The following PILRA variants were observed in gnomAD, a reference collection of about 807,000 sequenced individuals.
The protein encoded by PILRA is paired immunoglobulin-like type 2 receptor alpha.
Under a neutral mutation model 33.1 loss-of-function variants are expected in PILRA, and 37 were observed. The ratio of observed to expected loss-of-function variants is 1.12; its 90% CI spans 0.86 to 1.47. PILRA has a LOEUF of 1.47. Among genes scored for constraint, PILRA ranks in the 40% most tolerant of loss-of-function variants. The pLI, the probability that PILRA is intolerant of heterozygous loss-of-function variation, is 0.00. For missense variants in PILRA, 312 were observed against 376.2 expected (o/e 0.83, Z 1.41); for synonymous variants, 146 against 149.9 (o/e 0.97, Z 0.19).
intron 2 of PILRA, among the ~76,000 whole-genome samples, chr7:100,389,664 AAAGGAAAGGAAAAG>A (rs569102439): frequency 1.7e-3 from 251 of 152,042 alleles, no homozygotes; most frequent in Non-Finnish European, 2.1e-4. Context: ...AAAGGAAAGG[AAAGGAAAGGAAAAG>A]AAGGAAAGGA....
At chr7:100,376,819 G>C (rs1488757280) in intron 2 of PILRA, among the ~76,000 whole-genome samples, 2 of 144,088 alleles carry the variant, frequency 1.4e-5, no homozygotes, top group African/African-American at 5.2e-5. Context: ...ACCCAGGCTG[G>C]AGTGTGATCA....
At chr7:100,396,836 C>T (rs1012354929) in intron 3 of PILRA, among the ~76,000 whole-genome samples, 1 of 151,770 alleles carries the variant, frequency 6.6e-6, no homozygotes, top group African/African-American at 2.4e-5. Flanking sequence ...TCAGAAACCG[C>T]AGGGAGGAGG....
At chr7:100,391,184 A>AATAATAAT (rs1791383795) in intron 3 of PILRA, among the ~76,000 whole-genome samples, 1 of 122,050 alleles carries the variant, frequency 8.2e-6, no homozygotes, top group Non-Finnish European at 1.8e-5. Context: ...TAATAATAAT[A>AATAATAAT]ATTATTATTA....
intron 2 of PILRA, among the ~76,000 whole-genome samples, chr7:100,389,522 C>T (rs555483939): frequency 4.0e-5 from 6 of 150,652 alleles, no homozygotes; most frequent in African/African-American, 1.5e-4. Flanking sequence ...GGTATAGAAT[C>T]GGATTTAAAC....
intron 3 of PILRA, among the ~76,000 whole-genome samples, chr7:100,397,649 G>A (rs1791528072): frequency 6.6e-6 from 1 of 152,114 alleles, no homozygotes; most frequent in South Asian, 2.1e-4. Context: ...CCAAGGGAGG[G>A]GGTCAGGGTG....
chr7:100,374,504 C>A (rs561734782), intron 2 of PILRA, 71 bp downstream of exon 2: 292 of 1,575,420 alleles, frequency 1.9e-4, no homozygotes, highest in Non-Finnish European at 2.4e-4. Context: ...GTGACATCGT[C>A]CCCAGCACCT....
intron 4 of PILRA, among the ~76,000 whole-genome samples, chr7:100,398,491 T>C (rs772804565): frequency 4.9e-4 from 74 of 152,228 alleles, no homozygotes; most frequent in South Asian, 3.5e-3. Context: ...CTCCTTTCCA[T>C]AGCCGTAGGT....
chr7:100,375,966 G>C (rs531888375), intron 2 of PILRA, among the ~76,000 whole-genome samples: 1 of 152,340 alleles, frequency 6.6e-6, no homozygotes, highest in East Asian at 1.9e-4. Flanking sequence ...TCAGTGGGGT[G>C]AGGGGAGTTT....
At chr7:100,399,204 G>C in intron 4 of PILRA, 87 bp from the exon 5 acceptor site, 6 of 891,168 alleles carry the variant, frequency 6.7e-6, no homozygotes, top group Non-Finnish European at 1.1e-5. Flanking sequence ...GTCTCCCAAA[G>C]TGCTGGGATT....
At chr7:100,394,356 CAA>C (rs1791448735) in intron 3 of PILRA, among the ~76,000 whole-genome samples, 1 of 152,034 alleles carries the variant, frequency 6.6e-6, no homozygotes, top group Non-Finnish European at 1.5e-5. Flanking sequence ...CAAAGCCAAA[CAA>C]AGACACTACA....
Position 100,374,194 on chromosome 7 carries a change from G to A in PILRA, c.215G>A (p.Arg72Lys), listed in dbSNP as rs1790890405. The change falls in exon 2 of 7, where the codon AGA becomes AAA. Residue 72 changes from arginine (R) to lysine (K), a missense_variant. Physicochemically the swap from Arg to Lys is conservative, Grantham distance 26. Coordinates refer to ENST00000198536, the MANE Select transcript of PILRA (RefSeq NM_013439.3). Reference protein sequence around the residue: ...ATAPDVRISWRRGHFHRQSFY... With the variant: ...ATAPDVRISWKRGHFHRQSFY... The stretch of plus-strand genomic sequence containing the variant: ...GCTCCCGACGTGAGAATATCCTGGA[G>A]ACGGGGCCACTTCCACAGGCAGTCC... The A allele has an allele frequency of 1.2e-6, 2 of 1,614,104 alleles. No homozygotes were observed. Among genetic ancestry groups the A allele is most frequent in the Non-Finnish European group, 1.7e-6 (2 of 1,180,020 alleles).
At chr7:100,376,177 C>T (rs1790943405) in intron 2 of PILRA, 1 of 152,214 alleles carries the variant, frequency 6.6e-6, no homozygotes, top group Admixed American at 6.5e-5. Flanking sequence ...ACTGCACCAT[C>T]TTAACCACTG....
intron 2 of PILRA, among the ~76,000 whole-genome samples, chr7:100,379,164 G>A (rs903999476): frequency 6.6e-6 from 1 of 151,826 alleles, no homozygotes; most frequent in Non-Finnish European, 1.5e-5. Context: ...AGCACTTTTG[G>A]AGGCTCAGGT....
intron 2 of PILRA, among the ~76,000 whole-genome samples, chr7:100,385,325 G>T (rs1243359830): frequency 1.3e-5 from 2 of 152,114 alleles, no homozygotes; most frequent in Admixed American, 6.6e-5. Context: ...TGATGCGATT[G>T]TATCTTGTAC....
At chr7:100,386,927 T>A (rs994867581) in intron 2 of PILRA, among the ~76,000 whole-genome samples, 4 of 152,176 alleles carry the variant, frequency 2.6e-5, no homozygotes, top group African/African-American at 7.2e-5. Context: ...TAGTTTTCCA[T>A]CTTTATGTTC....
chr7:100,399,149 G>C (rs1297412044), intron 4 of PILRA, 142 bp from the exon 5 acceptor site: 1 of 600,122 alleles, frequency 1.7e-6, no homozygotes, highest in African/African-American at 1.9e-5. Context: ...ATGTTGTCCA[G>C]GCTGGTCTTG....
In PILRA at chr7:100,390,914, A is replaced by G. The variant is rs377060248; in HGVS notation, c.673+808A>G. 1.1e-4 allele frequency among the ~76,000 whole-genome samples: 16 copies of G among 152,154 alleles called. No homozygotes were observed. The East Asian group carries it at 2.1e-3, about 20-fold the overall frequency. ...GACCTCAGCTACCGTGAGAGACCTC[A>G]GTCTATGGAGGAGTGGCCAGAGGTG... is the stretch of plus-strand genomic sequence containing the variant. On this transcript the variant is annotated intron_variant, in intron 3 of 6. Transcript: ENST00000198536.
chr7:100,380,364 C>CTT (rs1791061951), intron 2 of PILRA, among the ~76,000 whole-genome samples: 1 of 152,186 alleles, frequency 6.6e-6, no homozygotes. Context: ...GAGAATAAAA[C>CTT]TTTAAAATAC....
intron 2 of PILRA, among the ~76,000 whole-genome samples, chr7:100,381,430 G>A (rs1791089403): frequency 8.1e-6 from 1 of 123,552 alleles, no homozygotes; most frequent in Admixed American, 1.0e-4. Flanking sequence ...GGGTGACAGA[G>A]TGAGATCCTG....
Sources: allele counts gnomAD v4.1 joint callset (sites outside exome capture counted in the v4.1 genomes callset), GRCh38; gene constraint gnomAD v4.1.1; transcripts MANE v1.5; gene names NCBI Gene and HGNC (gene_info 2026-07-23, HGNC 2026-07-21).